The following IDI2 variants were observed in gnomAD, a reference collection of about 807,000 sequenced individuals.
IDI2 encodes the protein isopentenyl-diphosphate delta-isomerase 2.
In IDI2, 18 loss-of-function variants were observed where a neutral mutation model predicts 14.8. That is an observed-to-expected ratio of 1.22 (90% CI 0.84 to 1.80). The LOEUF (loss-of-function observed/expected upper bound fraction) is 1.80. IDI2 is among the 40% of genes most tolerant of loss of function. IDI2 has a pLI of 0.00. For missense variants in IDI2, 316 were observed against 283.2 expected, an observed-to-expected ratio of 1.12 and a Z score of -0.83; for synonymous variants, 133 against 109.6, an observed-to-expected ratio of 1.21 and a Z score of -1.33.
chr10:1,019,562 A>T lies in IDI2; in HGVS notation c.639T>A (p.Asp213Glu). 6.2e-7 allele frequency: 1 copy of T among 1,613,774 alleles called. No individual in the cohort carries two copies. Among genetic ancestry groups the T allele is most frequent in the Non-Finnish European group, 8.5e-7 (1 of 1,179,926 alleles). ...GAAGCTCCACAAACGGGGTCACGTC[A>T]TCCAGGTGAGGCCACCACCGGTACA... ...RFLYRWWPHL[D>E]DVTPFVELHK... The change falls in exon 5 of 5, where the codon GAT (aspartate) becomes GAA (glutamate). Residue 213 changes from aspartate to glutamate, a missense_variant. By Grantham distance (45) the Asp-to-Glu change is conservative. Transcript: ENST00000277517.
Position 1,019,493 on chromosome 10 carries a change from T to C in IDI2, c.*24A>G, listed in dbSNP as rs1211812343. Reference sequence around the variant, plus strand: ...CTGCCTGCACTGAGGGCATTACACATGGCTGACTCGACCTCCCTGCCTCTC... The same window carrying C: ...CTGCCTGCACTGAGGGCATTACACACGGCTGACTCGACCTCCCTGCCTCTC... On this transcript the variant is annotated 3_prime_UTR_variant, in exon 5 of 5. Coordinates refer to ENST00000277517, the MANE Select transcript of IDI2 (RefSeq NM_033261.3). 1.3e-6 allele frequency: 2 copies of C among 1,590,234 alleles called. No homozygotes were observed. The highest frequency in any genetic ancestry group is 1.3e-5 in the African/African-American group (1 of 74,540).
intron 3 of IDI2, 193 bp downstream of exon 3, chr10:1,022,490 A>T (rs1832127457): frequency 2.1e-6 from 1 of 478,776 alleles, no homozygotes; most frequent in African/African-American, 1.9e-5. Flanking sequence ...TTACTTTTTT[A>T]AAAAAGAAAA....
chr10:1,022,200 A>C (rs1019889856), intron 3 of IDI2, among the ~76,000 whole-genome samples: 1 of 151,748 alleles, frequency 6.6e-6, no homozygotes, highest in East Asian at 1.9e-4. Context: ...CGGGGCTTGC[A>C]GTGAGCCGAG....
At chr10:1,021,609 T>G (rs1259386817) in intron 3 of IDI2, among the ~76,000 whole-genome samples, 1 of 152,218 alleles carries the variant, frequency 6.6e-6, no homozygotes, top group East Asian at 1.9e-4. Context: ...GGCTAACACA[T>G]GATAGGAAAT....
At position 1,020,774 on chromosome 10, in the gene IDI2, C is replaced by G. The variant is rs1340812979; in HGVS notation, c.359G>C (p.Gly120Ala). ...ACTGGATGCTGTGTGTACCTGCTCC[C>G]CAGGAATTCCCAGCTCTGCTTGCAG... is the stretch of plus-strand genomic sequence containing the variant. ...RRLQAELGIP[G>A]EQISPEDIVF... The change falls in exon 4 of 5, where the codon GGG becomes GCG. Residue 120 changes from glycine (G) to alanine (A), a missense_variant. By Grantham distance (60) the Gly-to-Ala change is moderately conservative. Coordinates refer to ENST00000277517, the MANE Select transcript of IDI2 (RefSeq NM_033261.3). 1.2e-6 allele frequency: 2 copies of G among 1,611,544 alleles called. No homozygotes were observed. The highest frequency in any genetic ancestry group is 2.2e-5 in the East Asian group (1 of 44,866).
chr10:1,024,648 C>T lies in IDI2; in HGVS notation c.76G>A (p.Glu26Lys), dbSNP rs748040882. The T allele has an allele frequency of 6.2e-7, 1 of 1,614,218 alleles. No individual in the cohort carries two copies. Among genetic ancestry groups the T allele is most frequent in the East Asian group, 2.2e-5 (1 of 44,884 alleles). Residue 26 changes from glutamate (E) to lysine (K), a missense_variant, in exon 2 of 5, where the codon GAG (glutamate) becomes AAG (lysine). Transcript: ENST00000277517. The part of the protein sequence containing the change: ...RLEEMLIVVD[E>K]NDKVIGADTK... ...TCGGCACCAATAACCTTATCATTCT[C>T]ATCCACAACAATCAGCATTTCCTCC...
intron 3 of IDI2, 93 bp from the exon 4 acceptor site, chr10:1,020,990 C>T (rs565629842): frequency 1.2e-5 from 16 of 1,388,428 alleles, no homozygotes; most frequent in Middle Eastern, 2.1e-4. Context: ...AACCATCATC[C>T]GTCATCAGCA....
At chr10:1,020,719 C>A in intron 4 of IDI2, 48 bp downstream of exon 4, 1 of 1,549,182 alleles carries the variant, frequency 6.5e-7, no homozygotes, top group Non-Finnish European at 8.7e-7. Flanking sequence ...CTGCCCGCTG[C>A]CAACCTGGAC....
At chr10:1,019,946 T>A in intron 4 of IDI2, 112 bp from the exon 5 acceptor site, 1 of 862,144 alleles carries the variant, frequency 1.2e-6, no homozygotes, top group Non-Finnish European at 1.8e-6. Flanking sequence ...ACACTTTCTT[T>A]GGTAATTGAT....
At chr10:1,020,553 T>G (rs891438009) in intron 4 of IDI2, among the ~76,000 whole-genome samples, 1 of 152,114 alleles carries the variant, frequency 6.6e-6, no homozygotes, top group Non-Finnish European at 1.5e-5. Context: ...CTGGGACACA[T>G]AGGGACTCAC....
chr10:1,021,329 T>TG (rs1323698099), intron 3 of IDI2, among the ~76,000 whole-genome samples: 4 of 152,222 alleles, frequency 2.6e-5, no homozygotes, highest in African/African-American at 9.6e-5. Context: ...ACTTTGAGGG[T>TG]GGTGATCAGT....
intron 4 of IDI2, among the ~76,000 whole-genome samples, chr10:1,020,097 A>G (rs1475081541): frequency 6.6e-6 from 1 of 152,222 alleles, no homozygotes; most frequent in Non-Finnish European, 1.5e-5. Context: ...CATCCTCAAC[A>G]GAAAACCCCG....
intron 3 of IDI2, 121 bp from the exon 4 acceptor site, chr10:1,021,018 G>GGGAGT (rs901832315): frequency 8.8e-7 from 1 of 1,142,588 alleles, no homozygotes; most frequent in African/African-American, 1.6e-5. Flanking sequence ...GCCTGGCGGG[G>GGGAGT]GGAGTGGGTT....
rs1419260167 is a variant in IDI2, at chr10:1,019,735, T to C, written c.466A>G (p.Arg156Gly). ...TCCGGGTTCAGAGTGACGTTTTTCC[T>C]CACAAGCAGAAGGTAACAAATTTCA... Reference protein sequence around the residue: ...EHEICYLLLVRKNVTLNPDPS... With the variant: ...EHEICYLLLVGKNVTLNPDPS... The change falls in exon 5 of 5, where the codon AGG becomes GGG. Residue 156 changes from arginine to glycine, a missense_variant. Physicochemically the swap from Arg to Gly is moderately radical, Grantham distance 125 (BLOSUM62 -2). Coordinates refer to ENST00000277517, the MANE Select transcript of IDI2 (RefSeq NM_033261.3). 1 of 1,613,872 alleles carries C rather than the reference T, an allele frequency of 6.2e-7. No individual in the cohort carries two copies. Among genetic ancestry groups the C allele is most frequent in the Non-Finnish European group, 8.5e-7 (1 of 1,180,030 alleles).
At position 1,023,336 on chromosome 10, in the gene IDI2, C is replaced by T. The variant is rs199532166; in HGVS notation, c.143-561G>A. Among the ~76,000 whole-genome samples the T allele has an allele frequency of 2.6e-5, 4 of 151,878 alleles. No individual in the cohort carries two copies. In the East Asian group the frequency reaches 7.7e-4, roughly 29 times the overall value. On this transcript the variant is annotated intron_variant, in intron 2 of 4. Coordinates refer to ENST00000277517, the MANE Select transcript of IDI2 (RefSeq NM_033261.3). The stretch of plus-strand genomic sequence containing the variant: ...TAAAAATACAAAAAAATTAGCTGGG[C>T]GTGGTGGCAGGTGCCTGTAGTCCAA...
At position 1,020,830 on chromosome 10, in the gene IDI2, G is replaced by A. The variant is rs1353905864; in HGVS notation, c.303C>T (p.Ala101=). 4.3e-6 allele frequency: 7 copies of A among 1,613,812 alleles called. No individual in the cohort carries two copies. The highest frequency in any genetic ancestry group is 2.5e-6 in the Non-Finnish European group (3 of 1,179,920). The part of the protein sequence containing the change: ...YNPAELEEKD[A]IGVRRAAQRR... ...TCTGGGCTGCCCTCCTCACTCCGAT[G>A]GCATCCTTTTCTTCCAGTTCTGCTG... The change falls in exon 4 of 5, where the codon GCC becomes GCT. Residue 101 remains alanine (A), a synonymous_variant. Transcript: ENST00000277517.
At chr10:1,025,251 T>A (rs1832195912) in intron 1 of IDI2, among the ~76,000 whole-genome samples, 1 of 151,948 alleles carries the variant, frequency 6.6e-6, no homozygotes, top group Admixed American at 6.6e-5. Context: ...TCACAAAATG[T>A]TTTCAGGGCC....
rs763173822 is a variant in IDI2, at chr10:1,024,755, T to G, written c.-21-11A>C. 6.2e-7 allele frequency: 1 copy of G among 1,613,034 alleles called. No homozygotes were observed. Among genetic ancestry groups the G allele is most frequent in the Admixed American group, 1.7e-5 (1 of 59,714 alleles). ...TGGCTGTGACCCGACCTGAAATAGA[T>G]GCACACAAATGCCTCTTTATGTGAA... On this transcript the variant is annotated splice_polypyrimidine_tract_variant and intron_variant, in intron 1 of 4. Transcript: ENST00000277517.
chr10:1,019,953 TG>T, intron 4 of IDI2, 119 bp from the exon 5 acceptor site: 4 of 836,956 alleles, frequency 4.8e-6, no homozygotes, highest in South Asian at 1.8e-5. Flanking sequence ...CTTTGGTAAT[TG>T]ATAATTTCCA....
Sources: allele counts gnomAD v4.1 joint callset (sites outside exome capture counted in the v4.1 genomes callset), GRCh38; gene constraint gnomAD v4.1.1; transcripts MANE v1.5; gene names NCBI Gene and HGNC (gene_info 2026-07-23, HGNC 2026-07-21).